JAKMIP3: variants seen among roughly 807,000 people sequenced by gnomAD.
JAKMIP3 encodes the protein janus kinase and microtubule-interacting protein 3.
Under a neutral mutation model 118.5 loss-of-function variants are expected in JAKMIP3, and 58 were observed. The ratio of observed to expected loss-of-function variants is 0.49; its 90% CI spans 0.40 to 0.61. The LOEUF is 0.61. Ranked by LOEUF, JAKMIP3 falls within the 20% of genes least tolerant of loss-of-function variation. JAKMIP3 has a pLI of 0.00. For missense variants in JAKMIP3, 950 were observed against 1,109.0 expected (o/e 0.86, Z 2.04); for synonymous variants, 486 against 451.2 (o/e 1.08, Z -0.98).
intron 1 of JAKMIP3, among the ~76,000 whole-genome samples, chr10:132,096,607 A>T (rs933093821): frequency 2.6e-5 from 4 of 152,178 alleles, no homozygotes; most frequent in Admixed American, 6.5e-5. Flanking sequence ...CTTGATGAAA[A>T]AGTTGTGGCT....
At chr10:132,172,006 C>A (rs2059539763) in intron 23 of JAKMIP3, among the ~76,000 whole-genome samples, 1 of 152,150 alleles carries the variant, frequency 6.6e-6, no homozygotes, top group Admixed American at 6.5e-5. Flanking sequence ...CTCAGCCACA[C>A]CCTGGGTTCT....
Position 132,049,505 on chromosome 10 carries a change from C to A in JAKMIP3, c.-138+12767C>A, listed in dbSNP as rs1223534321. Among the ~76,000 whole-genome samples, 2 of 150,808 alleles carry A rather than the reference C, an allele frequency of 1.3e-5. No homozygotes were observed. Among genetic ancestry groups the A allele is most frequent in the East Asian group, 3.9e-4 (2 of 5,176 alleles). On this transcript the variant is annotated intron_variant, in intron 1 of 23. Coordinates refer to the JAKMIP3 transcript ENST00000657785. This position sits in a 1 kb window ranked among gnomAD's most constrained non-coding sequence, Gnocchi z 4.3. ...CATTTTTGAGATGCTTTTTTTTTTC[C>A]TGAGTTCAATACATTCTTTTTTCAT...
chr10:132,037,065 C>T (rs2133735158), intron 1 of JAKMIP3, among the ~76,000 whole-genome samples: 1 of 152,360 alleles, frequency 6.6e-6, no homozygotes, highest in East Asian at 1.9e-4. Flanking sequence ...CCGACTGTGC[C>T]TCCCGCGGAA....
rs573826644 is a variant in JAKMIP3 at position 132,139,255 on chromosome 10, T to A, written c.1344+1077T>A. On this transcript the variant is annotated intron_variant, in intron 9 of 23. Transcript: ENST00000684848. ...GTATATGCATCTGTGTGTGTATGTG[T>A]GTGTGTGTATGTGTGTACATGTGAG... Among the ~76,000 whole-genome samples the A allele has an allele frequency of 2.2e-3, 319 of 145,168 alleles. 3 individuals are homozygous for A. The highest frequency in any genetic ancestry group is 6.7e-3 in the African/African-American group (247 of 37,024).
chr10:132,065,679 C>T (rs1340958156), upstream of JAKMIP3, among the ~76,000 whole-genome samples: 1 of 152,164 alleles, frequency 6.6e-6, no homozygotes, highest in African/African-American at 2.4e-5. The surrounding 1 kb of genome is among the most constrained non-coding windows in gnomAD (Gnocchi z 5.6). Context: ...ATCTCACCTG[C>T]GTGGCTGTGC....
chr10:132,046,398 G>C (rs113205591), intron 1 of JAKMIP3, among the ~76,000 whole-genome samples: 42,912 of 151,814 alleles, frequency 0.28, 6,580 homozygotes, highest in African/African-American at 0.37. Flanking sequence ...GGAGCTTGCA[G>C]TGAGCCGAGA....
intron 14 of JAKMIP3, among the ~76,000 whole-genome samples, chr10:132,148,351 G>C (rs1344810183): frequency 6.6e-6 from 1 of 152,154 alleles, no homozygotes; most frequent in Non-Finnish European, 1.5e-5. Flanking sequence ...GGCCCGTGGC[G>C]CTCAGTGTCA....
chr10:132,070,693 T>C (rs2133975351), intron 1 of JAKMIP3, among the ~76,000 whole-genome samples: 1 of 152,322 alleles, frequency 6.6e-6, no homozygotes, highest in Non-Finnish European at 1.5e-5. Context: ...GCTTGTGTAC[T>C]TTAAGAAGAG....
At chr10:132,078,205 A>G (rs2041144309) in intron 1 of JAKMIP3, among the ~76,000 whole-genome samples, 2 of 151,728 alleles carry the variant, frequency 1.3e-5, no homozygotes, top group Admixed American at 1.3e-4. Flanking sequence ...TTGGTTTGTT[A>G]TTACATTTCA....
chr10:132,177,660 CGTGT>C (rs917557142), intron 23 of JAKMIP3, among the ~76,000 whole-genome samples: 1 of 144,498 alleles, frequency 6.9e-6, no homozygotes, highest in African/African-American at 2.6e-5. Flanking sequence ...GGGTAGTGTG[CGTGT>C]GTGTGTCCAC....
chr10:132,044,532 G>A lies in JAKMIP3; in HGVS notation c.-138+7794G>A, dbSNP rs975225370. On this transcript the variant is annotated intron_variant, in intron 1 of 23. Transcript: ENST00000657785. This position sits in a 1 kb window ranked among gnomAD's most constrained non-coding sequence, Gnocchi z 5.3. ...GCGGCCGGTGCAGAGGAGGATGCAG[G>A]AGGAGTGGGAGAAGCCAGTGTGGCC... Among the ~76,000 whole-genome samples the A allele has an allele frequency of 8.5e-5, 13 of 152,260 alleles. No homozygotes were observed. Among genetic ancestry groups the A allele is most frequent in the Admixed American group, 2.0e-4 (3 of 15,298 alleles).
At chr10:132,169,632 CCCCATGGGGGGCCG>C (rs1282414075) in intron 23 of JAKMIP3, among the ~76,000 whole-genome samples, 3 of 152,186 alleles carry the variant, frequency 2.0e-5, no homozygotes, top group Non-Finnish European at 1.5e-5. Flanking sequence ...GCAGTGGCAG[CCCCATGGGGGGCCG>C]CCCAGGGAGC....
At chr10:132,155,659 G>T (rs910281578) in intron 19 of JAKMIP3, among the ~76,000 whole-genome samples, 3 of 152,232 alleles carry the variant, frequency 2.0e-5, no homozygotes, top group Non-Finnish European at 4.4e-5. Context: ...ACTAGGGATT[G>T]GGAGTTCCTG....
Position 132,137,022 on chromosome 10 carries a change from C to G in JAKMIP3, c.1120C>G (p.Gln374Glu), listed in dbSNP as rs2051928946. ...FVTQENIEMR[Q>E]RAGIIRRPSS... ...TGTGGGCTGCTTGGCGTTTCAGAGA[C>G]AGAGAGCTGGAATCATACGGAGACC... The change falls in exon 7 of 24, where the codon CAG becomes GAG. Residue 374 changes from glutamine to glutamate, a missense_variant. Coordinates refer to ENST00000684848, the MANE Select transcript of JAKMIP3 (RefSeq NM_001323087.2). 1 of 1,613,244 alleles carries G rather than the reference C, an allele frequency of 6.2e-7. No homozygotes were observed. Among genetic ancestry groups the G allele is most frequent in the Admixed American group, 1.7e-5 (1 of 59,962 alleles).
intron 3 of JAKMIP3, among the ~76,000 whole-genome samples, chr10:132,123,638 C>G (rs1031722732): frequency 3.3e-5 from 5 of 152,100 alleles, no homozygotes; most frequent in Non-Finnish European, 7.3e-5. Context: ...TGTGCCAGGC[C>G]CTTGCTCTCT....
intron 1 of JAKMIP3, among the ~76,000 whole-genome samples, chr10:132,091,507 A>G (rs1325238531): frequency 6.6e-6 from 1 of 152,134 alleles, no homozygotes; most frequent in Non-Finnish European, 1.5e-5. Flanking sequence ...TGTTGAATTG[A>G]TCCCTTTACC....
At chr10:132,102,374 C>T (rs2045102635) in intron 1 of JAKMIP3, among the ~76,000 whole-genome samples, 2 of 152,152 alleles carry the variant, frequency 1.3e-5, no homozygotes, top group South Asian at 4.1e-4. Flanking sequence ...GGTCCAGCCC[C>T]TCCGTCTGCA....
chr10:132,156,924 A>G (rs2057167277), intron 19 of JAKMIP3, among the ~76,000 whole-genome samples: 1 of 152,188 alleles, frequency 6.6e-6, no homozygotes, highest in African/African-American at 2.4e-5. Flanking sequence ...TCTGATTTAC[A>G]ACACAGAAAA....
At chr10:132,124,510 C>T (rs1408610488) in intron 3 of JAKMIP3, among the ~76,000 whole-genome samples, 29 of 149,256 alleles carry the variant, frequency 1.9e-4, no homozygotes, top group Admixed American at 1.8e-3. Flanking sequence ...CACGCGGTCA[C>T]CCATCCCACC....
Sources: allele counts gnomAD v4.1 joint callset (sites outside exome capture counted in the v4.1 genomes callset), GRCh38; gene constraint gnomAD v4.1.1; non-coding constraint Gnocchi (gnomAD v3.1); transcripts MANE v1.5; gene names NCBI Gene and HGNC (gene_info 2026-07-23, HGNC 2026-07-21).